EFEMP1: variants seen among roughly 807,000 people sequenced by gnomAD.
EFEMP1 encodes EGF-like fibulin extracellular matrix protein 1, also known as EGF-containing fibulin-like extracellular matrix protein 1.
Under a neutral mutation model 65.7 loss-of-function variants are expected in EFEMP1, and 18 were observed. That is an observed-to-expected ratio of 0.27 (90% confidence interval 0.19 to 0.41). The LOEUF is 0.41. EFEMP1 is among the 10% of genes least tolerant of loss of function. The pLI, the probability that EFEMP1 is intolerant of heterozygous loss-of-function variation, is 1.00. For missense variants in EFEMP1, 469 were observed against 624.8 expected (o/e 0.75, Z 2.66); for synonymous variants, 237 against 219.7 (o/e 1.08, Z -0.70).
rs1180616254 is a variant in EFEMP1, at chr2:55,867,464, T to G, written c.1321-230A>C. Among the ~76,000 whole-genome samples the G allele has an allele frequency of 6.6e-6, 1 of 151,482 alleles. No individual in the cohort carries two copies. The highest frequency in any genetic ancestry group is 1.5e-5 in the Non-Finnish European group (1 of 67,878). The stretch of plus-strand genomic sequence containing the variant: ...CTTGCTTTTTTTTTTTTTTAAATAG[T>G]TCTTTGTTTTTGATTCCTCCCTCTC... On this transcript the variant is annotated intron_variant, in intron 11 of 11. Coordinates refer to ENST00000355426, the MANE Select transcript of EFEMP1 (RefSeq NM_001039348.3). The surrounding 1 kb of genome is among the most constrained non-coding windows in gnomAD (Gnocchi z 4.3).
At chr2:55,916,256 T>A (rs1670681769) in intron 5 of EFEMP1, among the ~76,000 whole-genome samples, 1 of 152,064 alleles carries the variant, frequency 6.6e-6, no homozygotes, top group Non-Finnish European at 1.5e-5. Context: ...ACTACAGGCA[T>A]GTGCCACCAT....
At chr2:55,875,331 T>TAC (rs747889223) in intron 8 of EFEMP1, among the ~76,000 whole-genome samples, 2 of 105,924 alleles carry the variant, frequency 1.9e-5, no homozygotes, top group Admixed American at 1.9e-4. Context: ...CTGGGTTTCA[T>TAC]ATATACACAC....
chr2:55,894,439 TA>T (rs1669740673), intron 5 of EFEMP1, among the ~76,000 whole-genome samples: 1 of 152,112 alleles, frequency 6.6e-6, no homozygotes. Flanking sequence ...CATTTGTTCT[TA>T]ATAACAAAGC....
chr2:55,922,497 A>G lies in EFEMP1; in HGVS notation c.-7-50T>C. ...AATGTTTAGTATCTGCTGCGGGGAA[A>G]GTAACAAAACTTTAGCAGTGAGCAC... On this transcript the variant is annotated intron_variant, in intron 2 of 11. Transcript: ENST00000355426. This position sits in a 1 kb window ranked among gnomAD's most constrained non-coding sequence, Gnocchi z 5.5. 2.6e-6 allele frequency: 4 copies of G among 1,558,446 alleles called. No individual in the cohort carries two copies. The highest frequency in any genetic ancestry group is 2.7e-6 in the Non-Finnish European group (3 of 1,131,642).
intron 6 of EFEMP1, 131 bp downstream of exon 6, chr2:55,881,481 G>C: frequency 8.6e-7 from 1 of 1,156,296 alleles, no homozygotes; most frequent in Non-Finnish European, 1.3e-6. Flanking sequence ...TGGATTGGTA[G>C]TCTATAAAAA....
In EFEMP1 at chr2:55,877,785, G is replaced by T. The variant is rs756356313; in HGVS notation, c.721C>A (p.Pro241Thr). Reference sequence around the variant, plus strand: ...TTGTTTGCTGCCAATTGAAACCCAGGACTGCACTGGCAATAAAATGAGCCT... The same window carrying T: ...TTGTTTGCTGCCAATTGAAACCCAGTACTGCACTGGCAATAAAATGAGCCT... Reference protein sequence around the residue: ...TPGSFYCQCSPGFQLAANNYT... With the variant: ...TPGSFYCQCSTGFQLAANNYT... The change falls in exon 7 of 12, where the codon CCT becomes ACT. Residue 241 changes from proline to threonine, a missense_variant. Transcript: ENST00000355426. This position sits in a 1 kb window ranked among gnomAD's most constrained non-coding sequence, Gnocchi z 4.5. The T allele has an allele frequency of 1.2e-6, 2 of 1,613,208 alleles. No individual in the cohort carries two copies. The highest frequency in any genetic ancestry group is 4.5e-5 in the East Asian group (2 of 44,850).
chr2:55,901,487 C>G (rs1174871648), intron 5 of EFEMP1, among the ~76,000 whole-genome samples: 1 of 152,204 alleles, frequency 6.6e-6, no homozygotes, highest in Non-Finnish European at 1.5e-5. Context: ...AAAGGAGCTT[C>G]TAGAAACAGC....
chr2:55,915,747 A>G (rs1670653056), intron 5 of EFEMP1, among the ~76,000 whole-genome samples: 1 of 152,230 alleles, frequency 6.6e-6, no homozygotes, highest in Non-Finnish European at 1.5e-5. Flanking sequence ...GAAAAATACT[A>G]CCAAACTTTC....
At chr2:55,896,155 T>C (rs1558475372) in intron 5 of EFEMP1, among the ~76,000 whole-genome samples, 1 of 152,228 alleles carries the variant, frequency 6.6e-6, no homozygotes, top group African/African-American at 2.4e-5. Context: ...AGCATGTTTA[T>C]ACTATAAACT....
Position 55,871,434 on chromosome 2 carries a change from G to C in EFEMP1, c.1001-311C>G, listed in dbSNP as rs17047275. ...ATATAAAAGTTAAACACCAGTTCTT[G>C]TCATCAGGGACATTATAATTGAGGG... is the stretch of plus-strand genomic sequence containing the variant. On this transcript the variant is annotated intron_variant, in intron 9 of 11. Transcript: ENST00000355426. The surrounding 1 kb of genome is among the most constrained non-coding windows in gnomAD (Gnocchi z 4.2). Among the ~76,000 whole-genome samples the C allele has an allele frequency of 0.016, 2,435 of 152,198 alleles. 75 individuals are homozygous for C. The highest frequency in any genetic ancestry group is 0.055 in the African/African-American group (2,300 of 41,524).
At chr2:55,904,498 G>A (rs1670168464) in intron 5 of EFEMP1, among the ~76,000 whole-genome samples, 1 of 146,538 alleles carries the variant, frequency 6.8e-6, no homozygotes, top group Non-Finnish European at 1.6e-5. Context: ...TGAATTGACT[G>A]AGTAAAGCAG....
chr2:55,884,461 C>A (rs563314168), intron 5 of EFEMP1, among the ~76,000 whole-genome samples: 20 of 152,180 alleles, frequency 1.3e-4, no homozygotes, highest in African/African-American at 4.6e-4. Context: ...AGCAGAATAC[C>A]CATCCCTGTG....
At chr2:55,896,364 A>C (rs1298186286) in intron 5 of EFEMP1, among the ~76,000 whole-genome samples, 1 of 152,204 alleles carries the variant, frequency 6.6e-6, no homozygotes, top group East Asian at 1.9e-4. Flanking sequence ...GGTAGCACAG[A>C]CTCTAAAATG....
In EFEMP1 at chr2:55,866,878, A is replaced by G; in HGVS notation, c.*195T>C. The G allele has an allele frequency of 1.5e-6, 1 of 646,096 alleles. No homozygotes were observed. 40.0% of individuals were successfully genotyped at this position (646,096 alleles called of 1,614,324 possible). A position where few individuals can be genotyped will look rare whatever the true frequency, so the allele number is the denominator to read the frequency against. ...TAGTGGATTAATGTCTAATTTACAT[A>G]TAGTAATAAAGACAAACTTTGAATC... On this transcript the variant is annotated 3_prime_UTR_variant, in exon 12 of 12. Coordinates refer to ENST00000355426, the MANE Select transcript of EFEMP1 (RefSeq NM_001039348.3).
At position 55,885,692 on chromosome 2, in the gene EFEMP1, G is replaced by A. The variant is rs1669397715; in HGVS notation, c.518-3958C>T. Among the ~76,000 whole-genome samples, 1 of 152,090 alleles carries A rather than the reference G, an allele frequency of 6.6e-6. No individual in the cohort carries two copies. The highest frequency in any genetic ancestry group is 1.5e-5 in the Non-Finnish European group (1 of 68,034). Reference sequence around the variant, plus strand: ...ACCGTTAGTTGCTTTAAATAACACAGGCTAATCTTTGCTCAGCTCTTCTAG... The same window carrying A: ...ACCGTTAGTTGCTTTAAATAACACAAGCTAATCTTTGCTCAGCTCTTCTAG... On this transcript the variant is annotated intron_variant, in intron 5 of 11. Transcript: ENST00000355426. The surrounding 1 kb of genome is among the most constrained non-coding windows in gnomAD (Gnocchi z 4.3).
intron 5 of EFEMP1, among the ~76,000 whole-genome samples, chr2:55,901,908 G>A (rs1339262594): frequency 6.6e-6 from 1 of 152,196 alleles, no homozygotes; most frequent in African/African-American, 2.4e-5. Context: ...GCCATGTTGT[G>A]AGATGCTCTA....
intron 9 of EFEMP1, among the ~76,000 whole-genome samples, chr2:55,872,785 A>C (rs1308586112): frequency 6.6e-6 from 1 of 152,098 alleles, no homozygotes; most frequent in South Asian, 2.1e-4. Flanking sequence ...AGATTCTTCA[A>C]ATGAAATCAC....
At chr2:55,884,098 A>G (rs181619712) in intron 5 of EFEMP1, among the ~76,000 whole-genome samples, 1 of 152,044 alleles carries the variant, frequency 6.6e-6, no homozygotes, top group Non-Finnish European at 1.5e-5. Context: ...CTACATTTCC[A>G]TTTATGGCTT....
chr2:55,895,788 G>A (rs551595225), intron 5 of EFEMP1, among the ~76,000 whole-genome samples: 118 of 151,768 alleles, frequency 7.8e-4, no homozygotes, highest in African/African-American at 2.7e-3. Flanking sequence ...TGATCCGCCC[G>A]CCTTGGCCTC....
Sources: allele counts gnomAD v4.1 joint callset (sites outside exome capture counted in the v4.1 genomes callset), GRCh38; gene constraint gnomAD v4.1.1; non-coding constraint Gnocchi (gnomAD v3.1); transcripts MANE v1.5; gene names NCBI Gene and HGNC (gene_info 2026-07-23, HGNC 2026-07-21).